Variants in PRMT7 observed in about 807,000 individuals in gnomAD.
The protein encoded by PRMT7 is protein arginine N-methyltransferase 7.
A neutral mutation model predicts 85.4 loss-of-function variants in PRMT7; 75 were observed. The observed-to-expected ratio is 0.88, with a 90% CI of 0.73 to 1.06. The LOEUF (loss-of-function observed/expected upper bound fraction) is 1.06. Among genes scored for constraint, PRMT7 ranks in the 50% least tolerant of loss-of-function variants. PRMT7 has a pLI of 0.00. For synonymous variants in PRMT7, 397 were observed against 359.5 expected, an observed-to-expected ratio of 1.10 and a Z score of -1.18; for missense variants, 868 against 915.2, an observed-to-expected ratio of 0.95 and a Z score of 0.67.
chr16:68,339,191 C>G lies in PRMT7; in HGVS notation c.505-131C>G, dbSNP rs1045419611. 3.2e-5 allele frequency: 38 copies of G among 1,171,280 alleles called. No homozygotes were observed. In the African/African-American group the frequency reaches 5.5e-4, roughly 17 times the overall value. 72.6% of individuals were successfully genotyped at this position (1,171,280 alleles called of 1,614,324 possible). On this transcript the variant is annotated intron_variant, in intron 7 of 18. Coordinates refer to ENST00000441236, the MANE Select transcript of PRMT7 (RefSeq NM_019023.5). ...ATAGGGCTGAAAACAGTTCACTATT[C>G]TAATAGTATAAGGTGTTGGGCATTA...
At chr16:68,342,892 A>T (rs1296446839) in intron 9 of PRMT7, among the ~76,000 whole-genome samples, 5 of 152,162 alleles carry the variant, frequency 3.3e-5, no homozygotes, top group Admixed American at 3.3e-4. Context: ...TGTGTTGCAG[A>T]ATTAGCATAA....
At chr16:68,314,433 T>C (rs542234824) in intron 2 of PRMT7, among the ~76,000 whole-genome samples, 92 of 152,376 alleles carry the variant, frequency 6.0e-4, no homozygotes, top group African/African-American at 1.9e-3. Context: ...GGTTTCGCCA[T>C]GTTGGCAAGG....
intron 2 of PRMT7, among the ~76,000 whole-genome samples, chr16:68,312,483 G>A (rs2044019811): frequency 6.6e-6 from 1 of 152,014 alleles, no homozygotes; most frequent in African/African-American, 2.4e-5. Context: ...ATATCCTTGC[G>A]TCTCGGCCCC....
At chr16:68,317,849 A>G (rs79045423) in intron 3 of PRMT7, among the ~76,000 whole-genome samples, 2 of 56,700 alleles carry the variant, frequency 3.5e-5, no homozygotes, top group South Asian at 8.7e-4. Flanking sequence ...AAAAAAGAAA[A>G]AAAACCACAC....
intron 3 of PRMT7, among the ~76,000 whole-genome samples, chr16:68,316,613 A>G (rs1228077321): frequency 2.0e-5 from 3 of 151,982 alleles, no homozygotes; most frequent in African/African-American, 7.2e-5. Context: ...TAAAAATACA[A>G]AATTAGCTGG....
At chr16:68,331,469 CTTTT>C (rs57038859) in intron 6 of PRMT7, among the ~76,000 whole-genome samples, 7 of 114,532 alleles carry the variant, frequency 6.1e-5, no homozygotes, top group Non-Finnish European at 9.2e-5. Flanking sequence ...CTTTGTTGTT[CTTTT>C]TTTTTTTTTT....
intron 17 of PRMT7, among the ~76,000 whole-genome samples, 183 bp downstream of exon 17, chr16:68,356,066 T>C (rs2088392315): frequency 6.6e-6 from 1 of 152,240 alleles, no homozygotes; most frequent in Admixed American, 6.5e-5. Flanking sequence ...CACGGTCCTG[T>C]GTGTGCCACT....
rs767555754 is a variant in PRMT7 at position 68,357,193 on chromosome 16, TG to T, written c.2050del (p.Glu684SerfsTer13). 5 of 1,613,824 alleles carry T rather than the reference TG, an allele frequency of 3.1e-6. No homozygotes were observed. Among genetic ancestry groups the T allele is most frequent in the Non-Finnish European group, 4.2e-6 (5 of 1,179,898 alleles). On this transcript the variant is annotated frameshift_variant, in exon 19 of 19. Coordinates refer to ENST00000441236, the MANE Select transcript of PRMT7 (RefSeq NM_019023.5). LOFTEE classifies it high-confidence loss of function. Reference protein sequence around the residue: ...EFHPDTGDIIMEFRHADTPD With the variant: ...EFHPDTGDIIXEFRHADTPD ...CACCCCGACACAGGCGACATCATCA[TG>T]GAGTTCAGGCATGCAGATACCCCAG...
chr16:68,358,343 T>C lies in PRMT7; in HGVS notation c.*1119T>C, dbSNP rs1192506985. ...ACACCAGCCTTGAGCCTCACAGTTT[T>C]ATTTTCTCCTCGTTATCCATCCTTC... On this transcript the variant is annotated 3_prime_UTR_variant, in exon 19 of 19. Coordinates refer to ENST00000441236, the MANE Select transcript of PRMT7 (RefSeq NM_019023.5). 2.0e-5 allele frequency: 3 copies of C among 152,768 alleles called. No homozygotes were observed. Among genetic ancestry groups the C allele is most frequent in the Non-Finnish European group, 4.4e-5 (3 of 68,050 alleles). The allele number at this position is 152,768 out of a possible 1,614,324, so 9.5% of individuals were successfully genotyped here.
At chr16:68,320,256 CG>C (rs1444242796) in intron 3 of PRMT7, among the ~76,000 whole-genome samples, 3 of 152,170 alleles carry the variant, frequency 2.0e-5, no homozygotes, top group Non-Finnish European at 4.4e-5. Context: ...GAGACCAGCT[CG>C]GTCGTGGAGA....
At position 68,353,315 on chromosome 16, in the gene PRMT7, C is replaced by T. The variant is rs1016613980; in HGVS notation, c.1576-177C>T. 35 of 1,372,806 alleles carry T rather than the reference C, an allele frequency of 2.5e-5. No homozygotes were observed. The East Asian group carries it at 2.9e-4, about 11-fold the overall frequency. The allele number at this position is 1,372,806 out of a possible 1,614,324, so 85.0% of individuals were successfully genotyped here. A position where few individuals can be genotyped will look rare whatever the true frequency, so the allele number is the denominator to read the frequency against. The stretch of plus-strand genomic sequence containing the variant: ...TGTCACGTCAGAGCTTGCAGGTTCC[C>T]GCCCAGCCCAGTCTGTTACAGAAAC... On this transcript the variant is annotated intron_variant, in intron 15 of 18. Transcript: ENST00000441236.
chr16:68,360,417 CGGA>C (rs200655763), downstream of PRMT7: 1,841 of 152,408 alleles, frequency 0.012, 37 homozygotes, highest in Admixed American at 0.045. Flanking sequence ...GGGAGGCTCC[CGGA>C]GGAGGCCCAG....
Position 68,348,402 on chromosome 16 carries a change from T to A in PRMT7, c.1384T>A (p.Leu462Ile), listed in dbSNP as rs115945949. ...INIIEKRPEL[L>I]TNEDLQGRKV... ...CATCATAGAGAAACGGCCGGAATTA[T>A]TAACAAATGAGGACCTACAGGGCAG... The change falls in exon 14 of 19, where the codon TTA (leucine) becomes ATA (isoleucine). Residue 462 changes from leucine (L) to isoleucine (I), a missense_variant. Leu to Ile is a conservative substitution (Grantham distance 5). Coordinates refer to ENST00000441236, the MANE Select transcript of PRMT7 (RefSeq NM_019023.5). 1.9e-6 allele frequency: 3 copies of A among 1,612,862 alleles called. No individual in the cohort carries two copies. The South Asian group carries it at 3.3e-5, about 18-fold the overall frequency.
chr16:68,356,483 C>T (rs12934423), intron 17 of PRMT7, among the ~76,000 whole-genome samples: 7,802 of 152,342 alleles, frequency 0.051, 238 homozygotes, highest in Middle Eastern at 0.15. Context: ...TGTGGCCCGG[C>T]TGCAGGGCTC....
intron 6 of PRMT7, among the ~76,000 whole-genome samples, chr16:68,336,968 G>T (rs2084787270): frequency 6.6e-6 from 1 of 152,194 alleles, no homozygotes; most frequent in African/African-American, 2.4e-5. Flanking sequence ...GGCCAGGCTG[G>T]TCTTGAACTC....
At chr16:68,344,432 G>A (rs1207631566) in intron 9 of PRMT7, among the ~76,000 whole-genome samples, 4 of 152,164 alleles carry the variant, frequency 2.6e-5, no homozygotes, top group Non-Finnish European at 4.4e-5. Flanking sequence ...GGGTGTCATC[G>A]GTGCTCATCT....
In PRMT7 at chr16:68,356,681, G is replaced by T; in HGVS notation, c.1812-20G>T. 6.3e-7 allele frequency: 1 copy of T among 1,598,908 alleles called. No individual in the cohort carries two copies. The highest frequency in any genetic ancestry group is 8.5e-7 in the Non-Finnish European group (1 of 1,170,274). ...GCCTCTTGTGTGACTACTTCTGCTG[G>T]GCCCCCCTCTCCTTGACAGGCCCGG... is the stretch of plus-strand genomic sequence containing the variant. On this transcript the variant is annotated intron_variant, in intron 17 of 18. Coordinates refer to ENST00000441236, the MANE Select transcript of PRMT7 (RefSeq NM_019023.5).
At chr16:68,355,495 A>C in intron 16 of PRMT7, 2 of 421,056 alleles carry the variant, frequency 4.7e-6, no homozygotes, top group South Asian at 1.3e-4. Context: ...GCACCACCCC[A>C]TCTTAAAAAT....
In PRMT7 at chr16:68,311,063, G is replaced by T; in HGVS notation, c.-255G>T. On this transcript the variant is annotated 5_prime_UTR_variant, in exon 1 of 19. Transcript: ENST00000441236. ...CCGCGTGCTGGCCGCGGTAAAAGTG[G>T]TAGCAGCGGAGGCGAGCGGAGGGTT... 1.2e-6 allele frequency: 1 copy of T among 830,446 alleles called. No homozygotes were observed. Among genetic ancestry groups the T allele is most frequent in the South Asian group, 1.4e-5 (1 of 69,348 alleles). The allele number at this position is 830,446 out of a possible 1,614,324, so 51.4% of individuals were successfully genotyped here.
Sources: allele counts gnomAD v4.1 joint callset (sites outside exome capture counted in the v4.1 genomes callset), GRCh38; gene constraint gnomAD v4.1.1; transcripts MANE v1.5; gene names NCBI Gene and HGNC (gene_info 2026-07-23, HGNC 2026-07-21).